PCBP3: variants seen among roughly 807,000 people sequenced by gnomAD.
PCBP3 encodes the protein poly(rC) binding protein 3.
Under a neutral mutation model 52.7 loss-of-function variants are expected in PCBP3, and 25 were observed. The observed-to-expected ratio is 0.47, with a 90% CI of 0.35 to 0.66. The LOEUF is 0.66. Ranked by LOEUF, PCBP3 falls within the 30% of genes least tolerant of loss-of-function variation. PCBP3 has a pLI of 0.01. For missense variants in PCBP3, 391 were observed against 490.3 expected (o/e 0.80, Z 1.91); for synonymous variants, 162 against 183.0 (o/e 0.89, Z 0.93).
At position 45,800,476 on chromosome 21, in the gene PCBP3, G is replaced by A. The variant is rs966527857; in HGVS notation, c.-126+45024G>A. Among the ~76,000 whole-genome samples, 39 of 152,206 alleles carry A rather than the reference G, an allele frequency of 2.6e-4. No individual in the cohort carries two copies. Among genetic ancestry groups the A allele is most frequent in the African/African-American group, 8.2e-4 (34 of 41,464 alleles). On this transcript the variant is annotated intron_variant, in intron 4 of 17. Coordinates refer to ENST00000681687, the MANE Select transcript of PCBP3 (RefSeq NM_001384156.1). The surrounding 1 kb of genome is among the most constrained non-coding windows in gnomAD (Gnocchi z 5.3). Reference sequence around the variant, plus strand: ...AGCCCAACTGGCTCCAAACAGGCGTGTTGTGGGCGTGTCCTGAGGTGTGTG... The same window carrying A: ...AGCCCAACTGGCTCCAAACAGGCGTATTGTGGGCGTGTCCTGAGGTGTGTG...
intron 4 of PCBP3, chr21:45,759,944 G>C (rs941596725): frequency 1.3e-5 from 2 of 152,286 alleles, no homozygotes; most frequent in Non-Finnish European, 2.9e-5. Flanking sequence ...ACTGGCACCA[G>C]TGGAAAGGAG....
intron 4 of PCBP3, among the ~76,000 whole-genome samples, chr21:45,836,841 C>T (rs529264985): frequency 1.3e-5 from 2 of 152,284 alleles, no homozygotes; most frequent in East Asian, 1.9e-4. Flanking sequence ...TTTAGTCACA[C>T]ACAAGGTGTC....
intron 2 of PCBP3, among the ~76,000 whole-genome samples, chr21:45,705,735 T>C (rs1241584720): frequency 6.6e-6 from 1 of 151,572 alleles, no homozygotes; most frequent in African/African-American, 2.4e-5. Flanking sequence ...TCTTATAGTC[T>C]TTTTTTTTCC....
chr21:45,687,473 A>G (rs944176109), intron 2 of PCBP3, among the ~76,000 whole-genome samples: 2 of 152,140 alleles, frequency 1.3e-5, no homozygotes, highest in Non-Finnish European at 2.9e-5. Flanking sequence ...AGAAAGAACT[A>G]ATAAACAAGA....
intron 1 of PCBP3, among the ~76,000 whole-genome samples, chr21:45,646,099 C>CTT (rs1569070146): frequency 7.7e-4 from 66 of 85,476 alleles, no homozygotes; most frequent in African/African-American, 2.2e-3. Context: ...CTCTCTCTCT[C>CTT]TCTCTCTCTG....
intron 5 of PCBP3, among the ~76,000 whole-genome samples, chr21:45,866,878 G>A (rs1318142564): frequency 1.3e-5 from 2 of 152,184 alleles, no homozygotes; most frequent in Non-Finnish European, 2.9e-5. Flanking sequence ...GCGGAGGTCG[G>A]GGACAGTCGT....
rs558402860 is a variant in PCBP3, at chr21:45,791,582, G to A, written c.-126+36130G>A. Among the ~76,000 whole-genome samples, 1 of 152,358 alleles carries A rather than the reference G, an allele frequency of 6.6e-6. No individual in the cohort carries two copies. The highest frequency in any genetic ancestry group is 2.4e-5 in the African/African-American group (1 of 41,590). Reference sequence around the variant, plus strand: ...GGAGAGAAGCTCGCGAGGGAGGTGTGCAACAGCCGGAAGGCAGGTGGCCGC... The same window carrying A: ...GGAGAGAAGCTCGCGAGGGAGGTGTACAACAGCCGGAAGGCAGGTGGCCGC... On this transcript the variant is annotated intron_variant, in intron 4 of 17. Transcript: ENST00000681687. The surrounding 1 kb of genome is among the most constrained non-coding windows in gnomAD (Gnocchi z 4.2).
rs146508101 is a variant in PCBP3, at chr21:45,903,957, C to T, written c.339+2844C>T. Among the ~76,000 whole-genome samples, 238 of 152,244 alleles carry T rather than the reference C, an allele frequency of 1.6e-3. 1 individual carries two copies. The highest frequency in any genetic ancestry group is 0.01 in the Middle Eastern group (3 of 294). On this transcript the variant is annotated intron_variant, in intron 9 of 17. Transcript: ENST00000681687. ...TGAAATGTGAAACCAAGGACTGATT[C>T]CTTGGAGTTTCACTGCTGGATTTGT...
At chr21:45,916,606 C>G (rs754194395) in intron 12 of PCBP3, 2 of 152,348 alleles carry the variant, frequency 1.3e-5, no homozygotes, top group Non-Finnish European at 2.9e-5. Context: ...GTGTCCCTCT[C>G]TGGTGCACAG....
chr21:45,663,714 T>C (rs951850496), intron 1 of PCBP3, among the ~76,000 whole-genome samples: 8 of 152,198 alleles, frequency 5.3e-5, no homozygotes, highest in Non-Finnish European at 1.2e-4. Context: ...TGATTTTCTA[T>C]TCTGTCCCCA....
intron 4 of PCBP3, chr21:45,836,467 T>A (rs1216417247): frequency 6.6e-6 from 1 of 151,602 alleles, no homozygotes; most frequent in African/African-American, 2.4e-5. Flanking sequence ...GTCTTGGCCT[T>A]CCTGCCATCC....
chr21:45,708,962 C>G (rs2083640606), intron 2 of PCBP3, among the ~76,000 whole-genome samples: 1 of 152,254 alleles, frequency 6.6e-6, no homozygotes, highest in Non-Finnish European at 1.5e-5. Flanking sequence ...AAGAAGCTGG[C>G]CTGAGCTTCA....
At chr21:45,836,691 C>G (rs2147895782) in intron 4 of PCBP3, among the ~76,000 whole-genome samples, 1 of 152,198 alleles carries the variant, frequency 6.6e-6, no homozygotes, top group South Asian at 2.1e-4. Context: ...TGGGTGCTTC[C>G]TCTTCTTTAC....
chr21:45,669,805 G>A (rs7283897), intron 2 of PCBP3, among the ~76,000 whole-genome samples: 11,092 of 46,028 alleles, frequency 0.24, 1,477 homozygotes, highest in Admixed American at 0.35. Context: ...GTGTGTGTGT[G>A]TATATATATA....
Position 45,814,959 on chromosome 21 carries a change from GGTGAGTGGTGAGTGATGAGTGAGTGGTGA to G in PCBP3, c.-125-34986_-125-34958del, listed in dbSNP as rs1362331168. 2.1e-3 allele frequency among the ~76,000 whole-genome samples: 267 copies of G among 127,114 alleles called. 1 individual carries two copies. Among genetic ancestry groups the G allele is most frequent in the Admixed American group, 8.8e-3 (115 of 13,066 alleles). 83.4% of individuals were successfully genotyped at this position (127,114 alleles called of 152,430 possible). Reference sequence around the variant, plus strand: ...AGTGAGTGATGAGTGGTGAGTGAGTGGTGAGTGGTGAGTGATGAGTGAGTGGTGAGTGAGTGGTGAGTGAGTGGTGAGTG... The same window carrying G: ...AGTGAGTGATGAGTGGTGAGTGAGTGGTGAGTGGTGAGTGAGTGGTGAGTG... On this transcript the variant is annotated intron_variant, in intron 4 of 17. Coordinates refer to ENST00000681687, the MANE Select transcript of PCBP3 (RefSeq NM_001384156.1).
At chr21:45,729,400 T>C (rs2085293380) in intron 2 of PCBP3, among the ~76,000 whole-genome samples, 1 of 152,214 alleles carries the variant, frequency 6.6e-6, no homozygotes, top group African/African-American at 2.4e-5. Flanking sequence ...TTTAATTCTT[T>C]TGGGTCTGTA....
chr21:45,893,122 G>C (rs905214728), intron 5 of PCBP3, among the ~76,000 whole-genome samples: 1 of 152,146 alleles, frequency 6.6e-6, no homozygotes, highest in Non-Finnish European at 1.5e-5. Context: ...GAGAAGTGCC[G>C]GGGGCTTTTA....
At position 45,746,665 on chromosome 21, in the gene PCBP3, GC is replaced by G. The variant is rs66486374; in HGVS notation, c.-161-8750del. ...CGCCGTGTCAGTCCACTGACGTAGC[GC>G]CACATGGTGGTGTCAGCATCGCCGT... On this transcript the variant is annotated intron_variant, in intron 3 of 17. Transcript: ENST00000681687. Among the ~76,000 whole-genome samples the G allele has an allele frequency of 1.1e-3, 91 of 82,312 alleles. 13 individuals carry two copies. Among genetic ancestry groups the G allele is most frequent in the Non-Finnish European group, 1.4e-3 (56 of 39,104 alleles). The allele number at this position is 82,312 out of a possible 152,430, so 54.0% of individuals were successfully genotyped here.
In PCBP3 at chr21:45,912,268, G is replaced by C. The variant is rs191919785; in HGVS notation, c.600+1238G>C. ...AGGGAGCTCGTAGCAGACATGGCCA[G>C]TGAAGATGGCCAGGCAGCTGCTCTC... On this transcript the variant is annotated intron_variant, in intron 11 of 17. Coordinates refer to ENST00000681687, the MANE Select transcript of PCBP3 (RefSeq NM_001384156.1). Among the ~76,000 whole-genome samples, 455 of 152,344 alleles carry C rather than the reference G, an allele frequency of 3.0e-3. 3 individuals carry two copies. The highest frequency in any genetic ancestry group is 4.6e-3 in the Admixed American group (71 of 15,302).
Sources: gnomAD v4.1 joint callset for allele counts (sites outside exome capture counted in the v4.1 genomes callset) on GRCh38, gnomAD v4.1.1 for gene constraint, Gnocchi (gnomAD v3.1) non-coding constraint, MANE v1.5 for transcripts, NCBI Gene and HGNC (gene_info 2026-07-23, HGNC 2026-07-21) for gene names.